Variants in CNTN5 observed in about 807,000 individuals in gnomAD.
CNTN5 encodes the protein contactin-5.
A neutral mutation model predicts 129.1 loss-of-function variants in CNTN5; 77 were observed. That is an observed-to-expected ratio of 0.60 (90% CI 0.50 to 0.72). The LOEUF (loss-of-function observed/expected upper bound fraction) is 0.72. Ranked by LOEUF, CNTN5 falls within the 30% of genes least tolerant of loss-of-function variation. The pLI is 0.00. For missense variants in CNTN5, 1,478 were observed against 1,328.8 expected (o/e 1.11, Z -1.75); for synonymous variants, 509 against 465.6 (o/e 1.09, Z -1.20).
At chr11:99,259,138 T>C (rs1326569112) in intron 1 of CNTN5, among the ~76,000 whole-genome samples, 1 of 151,926 alleles carries the variant, frequency 6.6e-6, no homozygotes, top group Non-Finnish European at 1.5e-5. Flanking sequence ...TGTATATATG[T>C]ATGCATAAGG....
At chr11:99,775,990 G>A (rs1945110869) in intron 3 of CNTN5, among the ~76,000 whole-genome samples, 1 of 151,916 alleles carries the variant, frequency 6.6e-6, no homozygotes, top group African/African-American at 2.4e-5. Context: ...GTTCTTTATA[G>A]TCATATCTTT....
At chr11:100,167,352 G>A (rs1947672452) in intron 13 of CNTN5, among the ~76,000 whole-genome samples, 1 of 151,776 alleles carries the variant, frequency 6.6e-6, no homozygotes, top group Non-Finnish European at 1.5e-5. Flanking sequence ...AATTGGAGAT[G>A]ACTGATAAAT....
chr11:100,286,037 G>A (rs1018098911), intron 18 of CNTN5, among the ~76,000 whole-genome samples: 15 of 152,152 alleles, frequency 9.9e-5, no homozygotes, highest in African/African-American at 3.1e-4. Context: ...CTAATACTGC[G>A]CTTTTCCGAT....
chr11:100,347,316 C>T (rs975498972), intron 23 of CNTN5, among the ~76,000 whole-genome samples: 2 of 151,984 alleles, frequency 1.3e-5, no homozygotes, highest in African/African-American at 4.8e-5. Flanking sequence ...CCTCTGATTT[C>T]TTTTATTTTG....
intron 13 of CNTN5, among the ~76,000 whole-genome samples, chr11:100,130,847 A>G (rs966232219): frequency 6.6e-6 from 1 of 152,094 alleles, no homozygotes; most frequent in African/African-American, 2.4e-5. Flanking sequence ...AAATTGGGCA[A>G]TTTAAGCAGG....
chr11:99,503,391 G>A (rs1249744555), intron 2 of CNTN5, among the ~76,000 whole-genome samples: 2 of 152,134 alleles, frequency 1.3e-5, no homozygotes, highest in Non-Finnish European at 2.9e-5. Context: ...GGGTAAAAGG[G>A]GATCATATTC....
At chr11:99,666,205 T>C (rs939539662) in intron 3 of CNTN5, among the ~76,000 whole-genome samples, 1 of 152,134 alleles carries the variant, frequency 6.6e-6, no homozygotes, top group Non-Finnish European at 1.5e-5. Flanking sequence ...TGACCTCAGG[T>C]GATCCGCCTG....
At chr11:99,671,543 A>T (rs1193702337) in intron 3 of CNTN5, among the ~76,000 whole-genome samples, 2 of 152,152 alleles carry the variant, frequency 1.3e-5, no homozygotes, top group African/African-American at 2.4e-5. Flanking sequence ...ACATGAAGAC[A>T]GGAGTTAATA....
chr11:100,318,825 G>GA (rs1375228668), intron 21 of CNTN5, among the ~76,000 whole-genome samples: 1 of 151,960 alleles, frequency 6.6e-6, no homozygotes, highest in Non-Finnish European at 1.5e-5. Flanking sequence ...AACACAAAAA[G>GA]AAAAAGGTTT....
At chr11:100,090,529 T>A (rs185413752) in intron 13 of CNTN5, among the ~76,000 whole-genome samples, 1 of 28,038 alleles carries the variant, frequency 3.6e-5, no homozygotes, top group Non-Finnish European at 5.5e-5. Flanking sequence ...CTCCCTCCCT[T>A]CCTTCCTTCC....
At chr11:100,203,065 A>G (rs1018951154) in intron 15 of CNTN5, among the ~76,000 whole-genome samples, 1 of 152,114 alleles carries the variant, frequency 6.6e-6, no homozygotes, top group African/African-American at 2.4e-5. Context: ...TGTTACTACT[A>G]TACTTACTTG....
chr11:100,316,342 C>T (rs867975505), intron 21 of CNTN5, among the ~76,000 whole-genome samples: 2 of 152,194 alleles, frequency 1.3e-5, no homozygotes, highest in Middle Eastern at 6.8e-3. Flanking sequence ...TGGGAATGTA[C>T]ATATAAATAA....
intron 2 of CNTN5, among the ~76,000 whole-genome samples, chr11:99,377,961 C>G (rs11219677): frequency 6.6e-6 from 1 of 152,018 alleles, no homozygotes; most frequent in African/African-American, 2.4e-5. Flanking sequence ...GAAAGGAAAC[C>G]TTGCTTTGTT....
intron 13 of CNTN5, among the ~76,000 whole-genome samples, chr11:100,117,889 G>GT (rs781132737): frequency 2.0e-5 from 3 of 151,836 alleles, no homozygotes; most frequent in Non-Finnish European, 2.9e-5. Context: ...AATGTATAAT[G>GT]TATCTTGGGC....
intron 13 of CNTN5, among the ~76,000 whole-genome samples, chr11:100,098,759 G>A (rs1945110428): frequency 1.3e-5 from 2 of 152,070 alleles, no homozygotes. Context: ...CGCAGGTTGA[G>A]TCAGCAGTTT....
intron 3 of CNTN5, among the ~76,000 whole-genome samples, chr11:99,676,724 T>C (rs781458424): frequency 1.3e-5 from 2 of 151,832 alleles, no homozygotes; most frequent in Non-Finnish European, 2.9e-5. Flanking sequence ...TAAAGTATAA[T>C]TAAAAAAAAA....
chr11:100,124,150 A>G (rs183178094), intron 13 of CNTN5, among the ~76,000 whole-genome samples: 12 of 152,032 alleles, frequency 7.9e-5, no homozygotes, highest in Non-Finnish European at 1.5e-4. Flanking sequence ...ATTGTAAAAG[A>G]TACAGAAACT....
intron 8 of CNTN5, among the ~76,000 whole-genome samples, chr11:99,998,116 A>C (rs1342178537): frequency 2.0e-5 from 3 of 151,788 alleles, no homozygotes; most frequent in Admixed American, 1.3e-4. Context: ...GCCCTCTCTC[A>C]CCACTCCTAT....
At chr11:99,989,158 G>C (rs988349671) in intron 8 of CNTN5, among the ~76,000 whole-genome samples, 16 of 152,286 alleles carry the variant, frequency 1.1e-4, no homozygotes, top group African/African-American at 3.9e-4. Flanking sequence ...ATTGAAAAGA[G>C]CCAACTCTGA....
Sources: allele counts gnomAD v4.1 joint callset (sites outside exome capture counted in the v4.1 genomes callset), GRCh38; gene constraint gnomAD v4.1.1; transcripts MANE v1.5; gene names NCBI Gene and HGNC (gene_info 2026-07-23, HGNC 2026-07-21).